The following SLC1A7 variants were observed in gnomAD, a reference collection of about 807,000 sequenced individuals.
The protein encoded by SLC1A7 is excitatory amino acid transporter 5.
A neutral mutation model predicts 47.7 loss-of-function variants in SLC1A7; 40 were observed. That is an observed-to-expected ratio of 0.84 (90% confidence interval 0.65 to 1.09). The LOEUF is 1.09. SLC1A7 is among the 50% of genes least tolerant of loss of function. The pLI is 0.00. For missense variants in SLC1A7, 746 were observed against 769.5 expected (o/e 0.97, Z 0.36); for synonymous variants, 323 against 325.6 (o/e 0.99, Z 0.09).
In SLC1A7 at chr1:53,090,819, G is replaced by T. The variant is rs1454171644; in HGVS notation, c.1032-13C>A. On this transcript the variant is annotated splice_polypyrimidine_tract_variant and intron_variant, in intron 7 of 10. Transcript: ENST00000371494. ...CAGTGTGGCTGAGCTACGGTTAGAG[G>T]GGCCGGTGTCTGCCCAGCACCCTCC... is the stretch of plus-strand genomic sequence containing the variant. 6.2e-7 allele frequency: 1 copy of T among 1,601,400 alleles called. No homozygotes were observed. Among genetic ancestry groups the T allele is most frequent in the Non-Finnish European group, 8.5e-7 (1 of 1,174,090 alleles).
At position 53,093,546 on chromosome 1, in the gene SLC1A7, G is replaced by T; in HGVS notation, c.712C>A (p.Arg238Ser). 1.2e-6 allele frequency: 2 copies of T among 1,604,750 alleles called. No homozygotes were observed. ...FSATMGIMLG[R>S]MGDSGAPLVS... ...AGGGGGGCCCCGCTGTCACCCATGC[G>T]GCCCAGCATGATGCCTGCGGGTCAG... Residue 238 changes from arginine to serine, a missense_variant, in exon 6 of 11, where the codon CGC (arginine) becomes AGC (serine). Coordinates refer to ENST00000371494, the MANE Select transcript of SLC1A7 (RefSeq NM_006671.6).
intron 8 of SLC1A7, 66 bp from the exon 9 acceptor site, chr1:53,090,000 C>A: frequency 6.3e-7 from 1 of 1,582,320 alleles, no homozygotes. Context: ...GGGTCTGGCT[C>A]CAAGGAAGAG....
intron 3 of SLC1A7, among the ~76,000 whole-genome samples, chr1:53,107,711 T>C (rs928020272): frequency 3.9e-5 from 6 of 152,154 alleles, no homozygotes; most frequent in Non-Finnish European, 8.8e-5. Context: ...ACCTTCACTA[T>C]CTCCTCTCAT....
At chr1:53,140,741 G>A (rs1645049406) in intron 1 of SLC1A7, among the ~76,000 whole-genome samples, 1 of 152,124 alleles carries the variant, frequency 6.6e-6, no homozygotes, top group African/African-American at 2.4e-5. Flanking sequence ...GACATATACT[G>A]CCCCACATCC....
rs1256115623 is a variant in SLC1A7 at position 53,087,796 on chromosome 1, C to T, written c.*213G>A. The T allele has an allele frequency of 3.2e-5, 12 of 378,626 alleles. No individual in the cohort carries two copies. Among genetic ancestry groups the T allele is most frequent in the African/African-American group, 1.0e-4 (5 of 48,376 alleles). The allele number at this position is 378,626 out of a possible 1,614,324, so 23.5% of individuals were successfully genotyped here. A position where few individuals can be genotyped will look rare whatever the true frequency, so the allele number is the denominator to read the frequency against. ...GTCACAGCGGGGCCTCAGGCAATGC[C>T]GGGCCCATCACTCCCTAGATGGGGC... On this transcript the variant is annotated 3_prime_UTR_variant, in exon 11 of 11. Transcript: ENST00000371494.
intron 2 of SLC1A7, among the ~76,000 whole-genome samples, chr1:53,119,808 G>T (rs1049974206): frequency 5.9e-5 from 9 of 152,190 alleles, no homozygotes; most frequent in Non-Finnish European, 1.3e-4. Flanking sequence ...CTGTTGAGAT[G>T]CTAGATGGAG....
intron 2 of SLC1A7, among the ~76,000 whole-genome samples, chr1:53,121,737 A>G (rs1239966941): frequency 2.6e-5 from 4 of 151,828 alleles, no homozygotes; most frequent in African/African-American, 9.7e-5. Flanking sequence ...GTGCACAAAC[A>G]CCGGGGTGGG....
chr1:53,118,673 C>A (rs1399627253), intron 2 of SLC1A7: 1 of 152,096 alleles, frequency 6.6e-6, no homozygotes, highest in Non-Finnish European at 1.5e-5. Flanking sequence ...TAGTTTATCC[C>A]AAATATTATC....
chr1:53,090,395 G>A lies in SLC1A7; in HGVS notation c.1226+217C>T. 3 of 724,844 alleles carry A rather than the reference G, an allele frequency of 4.1e-6. No individual in the cohort carries two copies. The Admixed American group carries it at 1.0e-4, about 24-fold the overall frequency. 44.9% of individuals were successfully genotyped at this position (724,844 alleles called of 1,614,324 possible). ...ACACGGGCGGCCTCTCCAAGGTCCT[G>A]AGTCCTGTCCCTGGCCTCCGCTCGC... On this transcript the variant is annotated intron_variant, in intron 8 of 10. Transcript: ENST00000371494.
chr1:53,108,631 C>A (rs1263424801), intron 3 of SLC1A7: 1 of 717,720 alleles, frequency 1.4e-6, no homozygotes, highest in Admixed American at 2.0e-5. Flanking sequence ...TTTCTTCTTT[C>A]TGCCTGGAAC....
chr1:53,136,572 TATATA>T (rs1311259951), intron 1 of SLC1A7, among the ~76,000 whole-genome samples: 38 of 135,334 alleles, frequency 2.8e-4, no homozygotes, highest in African/African-American at 1.0e-3. Context: ...TATATAAACA[TATATA>T]ATATATAAAC....
intron 5 of SLC1A7, among the ~76,000 whole-genome samples, chr1:53,095,492 C>T (rs544702426): frequency 2.7e-5 from 4 of 149,532 alleles, no homozygotes; most frequent in East Asian, 4.0e-4. Flanking sequence ...ACATTCACAC[C>T]GCCTCGGTAC....
At chr1:53,134,719 C>A (rs1572350425) in intron 1 of SLC1A7, among the ~76,000 whole-genome samples, 1 of 152,130 alleles carries the variant, frequency 6.6e-6, no homozygotes, top group South Asian at 2.1e-4. Flanking sequence ...CTACAGTAGT[C>A]CCTACTTATT....
In SLC1A7 at chr1:53,092,553, C is replaced by T. The variant is rs770423813; in HGVS notation, c.1031+1G>A. ...ACCGTCCTGCCCGTCCCCGGGGCTA[C>T]CTGGAGGAGGTGGCCAGCGCGATGA... On this transcript the variant is annotated splice_donor_variant, in intron 7 of 10. Transcript: ENST00000371494. LOFTEE classifies it high-confidence loss of function. 3 of 1,610,708 alleles carry T rather than the reference C, an allele frequency of 1.9e-6. No individual in the cohort carries two copies. Among genetic ancestry groups the T allele is most frequent in the Admixed American group, 3.3e-5 (2 of 60,018 alleles).
At chr1:53,136,458 G>A (rs937159912) in intron 1 of SLC1A7, among the ~76,000 whole-genome samples, 28 of 147,518 alleles carry the variant, frequency 1.9e-4, no homozygotes, top group African/African-American at 3.2e-4. Flanking sequence ...CTCCCAAAGT[G>A]CTTGGATTAC....
intron 5 of SLC1A7, among the ~76,000 whole-genome samples, chr1:53,096,843 C>A (rs1212734833): frequency 6.6e-6 from 1 of 151,660 alleles, no homozygotes; most frequent in Non-Finnish European, 1.5e-5. Context: ...AACACTCACA[C>A]ACCCTGCCTC....
At chr1:53,108,359 A>G in intron 3 of SLC1A7, 1 of 580,570 alleles carries the variant, frequency 1.7e-6, no homozygotes. Flanking sequence ...ATTTCTTTAC[A>G]ACTTCCTTTA....
At chr1:53,112,645 A>G (rs1378113924) in intron 3 of SLC1A7, among the ~76,000 whole-genome samples, 2 of 152,194 alleles carry the variant, frequency 1.3e-5, no homozygotes, top group South Asian at 2.1e-4. Context: ...TGAGGAATGT[A>G]GGGGCTGGTG....
intron 3 of SLC1A7, chr1:53,108,528 C>T (rs1188793228): frequency 1.5e-5 from 11 of 715,880 alleles, no homozygotes; most frequent in East Asian, 5.4e-5. Context: ...GGGTGGCCAT[C>T]GAGAGGTGAG....
Sources: gnomAD v4.1 joint callset for allele counts (sites outside exome capture counted in the v4.1 genomes callset) on GRCh38, gnomAD v4.1.1 for gene constraint, MANE v1.5 for transcripts, NCBI Gene and HGNC (gene_info 2026-07-23, HGNC 2026-07-21) for gene names.